The following STK33 variants were observed in gnomAD, a reference collection of about 807,000 sequenced individuals.
STK33 encodes the protein serine/threonine-protein kinase 33.
A neutral mutation model predicts 58.0 loss-of-function variants in STK33; 52 were observed. The observed-to-expected ratio is 0.90, with a 90% CI of 0.72 to 1.13. The LOEUF (loss-of-function observed/expected upper bound fraction) is 1.13, where lower values mean the gene tolerates loss of function less well. Ranked by LOEUF, STK33 falls within the 50% of genes most tolerant of loss-of-function variation. STK33 has a pLI of 0.00. For missense variants in STK33, 630 were observed against 604.2 expected, an observed-to-expected ratio of 1.04 and a Z score of -0.45; for synonymous variants, 215 against 200.1, an observed-to-expected ratio of 1.07 and a Z score of -0.63.
the STK33 span, among the ~76,000 whole-genome samples, chr11:8,364,165 C>T: frequency 2.6e-5 from 4 of 152,220 alleles, no homozygotes; most frequent in East Asian, 1.9e-4. Context: ...TCAATACGTT[C>T]GTCTTCACTA....
chr11:8,441,114 T>A (rs1185185898), intron 11 of STK33, among the ~76,000 whole-genome samples: 1 of 152,192 alleles, frequency 6.6e-6, no homozygotes, highest in Admixed American at 6.6e-5. Context: ...CTTAAGTAGA[T>A]GTAACATAAT....
chr11:8,528,384 T>G (rs907891884), intron 1 of STK33, among the ~76,000 whole-genome samples: 5 of 152,228 alleles, frequency 3.3e-5, no homozygotes, highest in Non-Finnish European at 7.3e-5. Context: ...GTTATTTTAA[T>G]GAACCAATGT....
At chr11:8,477,115 G>T (rs1447288341) in intron 3 of STK33, 135 bp downstream of exon 3, 4 of 147,122 alleles carry the variant, frequency 2.7e-5, no homozygotes, top group African/African-American at 1.0e-4. Context: ...AGGAAGAAAA[G>T]AATGCAACTG....
chr11:8,472,364 T>C (rs1948857866), intron 6 of STK33, among the ~76,000 whole-genome samples: 2 of 152,206 alleles, frequency 1.3e-5, no homozygotes, highest in Admixed American at 6.5e-5. Flanking sequence ...CTTGATCATT[T>C]CTAGCTTTTG....
intron 6 of STK33, chr11:8,466,213 C>A (rs1019056381): frequency 6.6e-6 from 1 of 152,196 alleles, no homozygotes; most frequent in Non-Finnish European, 1.5e-5. Flanking sequence ...ATCATGCCTT[C>A]CCAACAGTCC....
chr11:8,418,172 T>C (rs890182370), intron 14 of STK33, among the ~76,000 whole-genome samples: 2 of 151,962 alleles, frequency 1.3e-5, no homozygotes, highest in African/African-American at 4.8e-5. Flanking sequence ...CAGGGGTTCG[T>C]TGGACAGATT....
chr11:8,354,517 C>CACACACACACACACACACACACACA, the STK33 span, among the ~76,000 whole-genome samples: 38 of 146,314 alleles, frequency 2.6e-4, no homozygotes, highest in Non-Finnish European at 4.2e-4. Flanking sequence ...CACACACACA[C>CACACACACACACACACACACACACA]CCCTCAGACA....
At chr11:8,515,399 G>A (rs1952686569) in intron 1 of STK33, among the ~76,000 whole-genome samples, 2 of 152,078 alleles carry the variant, frequency 1.3e-5, no homozygotes, top group Admixed American at 6.6e-5. Context: ...AACTAGTATG[G>A]CAATTGAATC....
At chr11:8,501,933 C>T (rs1318506614) in intron 1 of STK33, among the ~76,000 whole-genome samples, 1 of 152,014 alleles carries the variant, frequency 6.6e-6, no homozygotes, top group Non-Finnish European at 1.5e-5. Context: ...AAGCTAGATA[C>T]AAAGCCCATA....
chr11:8,386,958 C>T (rs1848552409), downstream of STK33, among the ~76,000 whole-genome samples: 1 of 152,134 alleles, frequency 6.6e-6, no homozygotes, highest in Admixed American at 6.5e-5. Context: ...AAGGACGGTC[C>T]CTGTGAATTC....
chr11:8,463,243 G>A (rs540005679), intron 7 of STK33, among the ~76,000 whole-genome samples: 5 of 152,284 alleles, frequency 3.3e-5, no homozygotes, highest in African/African-American at 4.8e-5. Context: ...CCAGGGTTGC[G>A]GGAGAGGGCA....
intron 6 of STK33, among the ~76,000 whole-genome samples, chr11:8,468,319 T>C (rs922352865): frequency 9.2e-5 from 14 of 152,190 alleles, no homozygotes; most frequent in African/African-American, 2.2e-4. Context: ...CCACAACACA[T>C]GGGAATTATG....
chr11:8,348,356 G>A, the STK33 span, among the ~76,000 whole-genome samples: 2 of 152,184 alleles, frequency 1.3e-5, no homozygotes, highest in Non-Finnish European at 2.9e-5. Flanking sequence ...GGCGGAAGGG[G>A]AAGCAAACAT....
At chr11:8,479,314 T>C (rs555258563) in intron 2 of STK33, among the ~76,000 whole-genome samples, 57 of 151,742 alleles carry the variant, frequency 3.8e-4, no homozygotes, top group Middle Eastern at 3.4e-3. Context: ...GCACCTGTAA[T>C]CCCGGCTACT....
At chr11:8,551,333 T>C (rs1480959299) in intron 1 of STK33, among the ~76,000 whole-genome samples, 1 of 152,138 alleles carries the variant, frequency 6.6e-6, no homozygotes, top group Admixed American at 6.5e-5. Flanking sequence ...TTTTACCATG[T>C]TGGCCAAGCT....
chr11:8,378,329 A>G, the STK33 span, among the ~76,000 whole-genome samples: 7 of 151,958 alleles, frequency 4.6e-5, no homozygotes, highest in African/African-American at 1.7e-4. Context: ...GACCAGCCTG[A>G]CCAACATGGA....
At chr11:8,440,543 CT>C (rs1944606755) in intron 12 of STK33, 134 bp downstream of exon 12, 1 of 650,220 alleles carries the variant, frequency 1.5e-6, no homozygotes, top group Non-Finnish European at 2.4e-6. Context: ...AATAAGAGAG[CT>C]TTTAGAATGA....
chr11:8,434,449 A>G (rs984580624), intron 14 of STK33, among the ~76,000 whole-genome samples: 9 of 152,176 alleles, frequency 5.9e-5, no homozygotes, highest in Admixed American at 5.9e-4. Flanking sequence ...TGAGATACCT[A>G]AAGACCTATC....
the STK33 span, among the ~76,000 whole-genome samples, chr11:8,362,412 T>C: frequency 6.6e-6 from 1 of 152,182 alleles, no homozygotes; most frequent in Non-Finnish European, 1.5e-5. Flanking sequence ...GAAATAATGA[T>C]GTCTAATGCC....
Sources: allele counts gnomAD v4.1 joint callset (sites outside exome capture counted in the v4.1 genomes callset), GRCh38; gene constraint gnomAD v4.1.1; transcripts MANE v1.5; gene names NCBI Gene and HGNC (gene_info 2026-07-23, HGNC 2026-07-21).